Variants in COX7B2 observed in about 807,000 individuals in gnomAD.
The protein encoded by COX7B2 is cytochrome c oxidase subunit 7B2, mitochondrial.
For synonymous variants in COX7B2, 37 were observed against 32.1 expected (o/e 1.15, Z -0.51); for missense variants, 109 against 95.9 (o/e 1.14, Z -0.57).
rs527375294 is a variant in COX7B2, at chr4:46,801,144, T to C, written c.-50+43816A>G. On this transcript the variant is annotated intron_variant, in intron 2 of 2. Coordinates refer to ENST00000355591, the MANE Select transcript of COX7B2 (RefSeq NM_130902.3). ...AATGTTTATATATTCCTGGTGGGAA[T>C]GTAAATTAGTTCAGCCACTATGGAA... is the stretch of plus-strand genomic sequence containing the variant. Among the ~76,000 whole-genome samples the C allele has an allele frequency of 2.0e-4, 31 of 152,290 alleles. No homozygotes were observed. In the South Asian group the frequency reaches 5.6e-3, roughly 27 times the overall value.
chr4:46,898,848 A>G (rs772553419), intron 1 of COX7B2, among the ~76,000 whole-genome samples: 4 of 152,180 alleles, frequency 2.6e-5, no homozygotes, highest in Admixed American at 1.3e-4. Context: ...ATCCTTTTGC[A>G]TATATCTTTC....
At chr4:46,833,975 G>T (rs1715342309) in intron 2 of COX7B2, among the ~76,000 whole-genome samples, 1 of 152,098 alleles carries the variant, frequency 6.6e-6, no homozygotes, top group Admixed American at 6.5e-5. Flanking sequence ...GAGAAAACAA[G>T]GTCACAGAGA....
At chr4:46,760,985 G>A (rs186049977) in intron 2 of COX7B2, among the ~76,000 whole-genome samples, 5 of 152,196 alleles carry the variant, frequency 3.3e-5, no homozygotes, top group African/African-American at 1.2e-4. Context: ...CTTCCTACTG[G>A]ACTTCCTGGG....
rs974517911 is a variant in COX7B2 at position 46,802,571 on chromosome 4, G to T, written c.-50+42389C>A. ...CAGAAAATCACCTTCCAGAAACATT[G>T]CTCTCATTTCATATGTTATTCAAGC... On this transcript the variant is annotated intron_variant, in intron 2 of 2. Coordinates refer to ENST00000355591, the MANE Select transcript of COX7B2 (RefSeq NM_130902.3). 1.9e-4 allele frequency among the ~76,000 whole-genome samples: 29 copies of T among 152,124 alleles called. No homozygotes were observed. The Middle Eastern group carries it at 0.014, about 71-fold the overall frequency.
rs547445890 is a variant in COX7B2 at position 46,762,978 on chromosome 4, C to T, written c.-49-27737G>A. Among the ~76,000 whole-genome samples, 156 of 107,454 alleles carry T rather than the reference C, an allele frequency of 1.5e-3. 2 individuals carry two copies. Among genetic ancestry groups the T allele is most frequent in the African/African-American group, 5.4e-3 (148 of 27,496 alleles). 70.5% of individuals were successfully genotyped at this position (107,454 alleles called of 152,430 possible). A position where few individuals can be genotyped will look rare whatever the true frequency, so the allele number is the denominator to read the frequency against. On this transcript the variant is annotated intron_variant, in intron 2 of 2. Transcript: ENST00000355591. ...ATATATATGTTAAATATATATACCA[C>T]ATATATGTAATATGTATATTAAATA...
intron 1 of COX7B2, among the ~76,000 whole-genome samples, chr4:46,862,036 C>T (rs1226079591): frequency 6.6e-6 from 1 of 152,162 alleles, no homozygotes; most frequent in East Asian, 1.9e-4. Flanking sequence ...CCTGAAGCAG[C>T]AGACACTCAG....
chr4:46,816,542 T>C (rs1222628764), intron 2 of COX7B2, among the ~76,000 whole-genome samples: 2 of 152,226 alleles, frequency 1.3e-5, no homozygotes, highest in African/African-American at 4.8e-5. Context: ...GTAATCATCA[T>C]AAAATTATAA....
intron 1 of COX7B2, among the ~76,000 whole-genome samples, chr4:46,893,389 G>A (rs1719557385): frequency 6.6e-6 from 1 of 152,140 alleles, no homozygotes; most frequent in Non-Finnish European, 1.5e-5. Context: ...CTGTTGAACT[G>A]TTCACATTGC....
chr4:46,876,586 T>A (rs1718351784), intron 1 of COX7B2: 1 of 152,020 alleles, frequency 6.6e-6, no homozygotes, highest in Non-Finnish European at 1.5e-5. Flanking sequence ...TTGTATTTTT[T>A]TAGTAGAGAC....
intron 2 of COX7B2, among the ~76,000 whole-genome samples, chr4:46,785,632 T>C (rs947729907): frequency 6.6e-6 from 1 of 152,228 alleles, no homozygotes; most frequent in African/African-American, 2.4e-5. Context: ...GTAAAGCCTT[T>C]TTATGCTCAC....
At chr4:46,774,115 C>A (rs2109527794) in intron 2 of COX7B2, among the ~76,000 whole-genome samples, 1 of 152,240 alleles carries the variant, frequency 6.6e-6, no homozygotes, top group East Asian at 1.9e-4. Flanking sequence ...TCAAGATGTT[C>A]ACGCTTTTGA....
chr4:46,737,351 C>T (rs960492988), intron 2 of COX7B2, among the ~76,000 whole-genome samples: 12 of 152,062 alleles, frequency 7.9e-5, no homozygotes, highest in African/African-American at 2.9e-4. Context: ...GTCCTCAATT[C>T]GATATGGATT....
In COX7B2 at chr4:46,830,887, C is replaced by T. The variant is rs112702347; in HGVS notation, c.-50+14073G>A. Among the ~76,000 whole-genome samples, 15 of 152,356 alleles carry T rather than the reference C, an allele frequency of 9.8e-5. 2 individuals carry two copies. Among genetic ancestry groups the T allele is most frequent in the African/African-American group, 3.6e-4 (15 of 41,594 alleles). The stretch of plus-strand genomic sequence containing the variant: ...GAGGTGACAGCATGCTGGCAGCCCT[C>T]GCAGCCTTTGCTCGCTCTTGGCGCC... On this transcript the variant is annotated intron_variant, in intron 2 of 2. Coordinates refer to ENST00000355591, the MANE Select transcript of COX7B2 (RefSeq NM_130902.3).
chr4:46,840,596 C>T (rs1174937814), intron 2 of COX7B2, among the ~76,000 whole-genome samples: 1 of 152,006 alleles, frequency 6.6e-6, no homozygotes, highest in Non-Finnish European at 1.5e-5. Context: ...AGCTTTAAAA[C>T]CTGACTGAAG....
intron 1 of COX7B2, among the ~76,000 whole-genome samples, chr4:46,903,534 T>C (rs1053766823): frequency 1.3e-5 from 2 of 152,076 alleles, no homozygotes; most frequent in African/African-American, 2.4e-5. Flanking sequence ...TACACAGTAA[T>C]GTCCTAGGCC....
chr4:46,749,481 A>C (rs566063275), intron 2 of COX7B2, among the ~76,000 whole-genome samples: 169 of 152,270 alleles, frequency 1.1e-3, no homozygotes, highest in Non-Finnish European at 1.9e-3. Context: ...TCCACAATGA[A>C]AACTCTTTGT....
chr4:46,888,022 A>G (rs1044258718), intron 1 of COX7B2, among the ~76,000 whole-genome samples: 10 of 152,168 alleles, frequency 6.6e-5, no homozygotes, highest in African/African-American at 2.4e-4. Context: ...CTGTGCTGAC[A>G]CCACTCTTAA....
chr4:46,831,090 A>C (rs1022572786), intron 2 of COX7B2, among the ~76,000 whole-genome samples: 4 of 152,090 alleles, frequency 2.6e-5, no homozygotes, highest in Admixed American at 6.5e-5. Flanking sequence ...CAGGCCAGCT[A>C]GAGTTCCGGG....
chr4:46,866,312 T>C (rs1588607), intron 1 of COX7B2, among the ~76,000 whole-genome samples: 58,815 of 151,992 alleles, frequency 0.39, 11,506 homozygotes, highest in South Asian at 0.49. Flanking sequence ...AGAGAACAGA[T>C]GTTACACCAC....
Sources: gnomAD v4.1 joint callset for allele counts (sites outside exome capture counted in the v4.1 genomes callset) on GRCh38, gnomAD v4.1.1 for gene constraint, MANE v1.5 for transcripts, NCBI Gene and HGNC (gene_info 2026-07-23, HGNC 2026-07-21) for gene names.